The following NELL1 variants were observed in gnomAD, a reference collection of about 807,000 sequenced individuals.
NELL1 encodes neural EGFL like 1.
A neutral mutation model predicts 107.4 loss-of-function variants in NELL1; 76 were observed. That is an observed-to-expected ratio of 0.71 (90% CI 0.59 to 0.86). The LOEUF is 0.86. Ranked by LOEUF, NELL1 falls within the 40% of genes least tolerant of loss-of-function variation. The pLI is 0.00. For missense variants in NELL1, 1,024 were observed against 1,005.5 expected (o/e 1.02, Z -0.25); for synonymous variants, 353 against 341.2 (o/e 1.03, Z -0.38).
chr11:21,528,980 T>C (rs1195694778), intron 15 of NELL1, among the ~76,000 whole-genome samples: 2 of 152,080 alleles, frequency 1.3e-5, no homozygotes, highest in East Asian at 1.9e-4. Context: ...CTGAGCACAG[T>C]CTTTTCCCTG....
chr11:20,809,998 T>C (rs563612842), intron 3 of NELL1, among the ~76,000 whole-genome samples: 2 of 152,314 alleles, frequency 1.3e-5, no homozygotes, highest in African/African-American at 4.8e-5. Flanking sequence ...TGAGGATTCC[T>C]TTTTCTCCAC....
intron 15 of NELL1, among the ~76,000 whole-genome samples, chr11:21,455,269 A>T (rs1225120518): frequency 6.7e-6 from 1 of 148,162 alleles, no homozygotes; most frequent in African/African-American, 2.5e-5. Context: ...CATTTTACAT[A>T]ATGTGACTTT....
At chr11:20,824,516 G>A (rs1348495217) in intron 3 of NELL1, among the ~76,000 whole-genome samples, 2 of 151,200 alleles carry the variant, frequency 1.3e-5, no homozygotes, top group Non-Finnish European at 3.0e-5. Flanking sequence ...GACACTTGGA[G>A]GGCCCAGAAG....
intron 15 of NELL1, among the ~76,000 whole-genome samples, chr11:21,462,910 T>C (rs757686398): frequency 6.6e-6 from 1 of 152,064 alleles, no homozygotes; most frequent in African/African-American, 2.4e-5. Flanking sequence ...CACCTGTGTT[T>C]GACTGTAATG....
chr11:21,406,713 A>G (rs1852245813), intron 15 of NELL1, among the ~76,000 whole-genome samples: 1 of 152,014 alleles, frequency 6.6e-6, no homozygotes, highest in Non-Finnish European at 1.5e-5. Context: ...ATTGATACAT[A>G]ATAAAGATTT....
chr11:21,552,481 C>A (rs1182340412), intron 16 of NELL1, among the ~76,000 whole-genome samples: 1 of 149,924 alleles, frequency 6.7e-6, no homozygotes, highest in Admixed American at 6.7e-5. Flanking sequence ...ATTTTACCTC[C>A]CTTAGGGTAA....
chr11:21,465,156 G>A (rs897292020), intron 15 of NELL1, among the ~76,000 whole-genome samples: 14 of 152,156 alleles, frequency 9.2e-5, no homozygotes, highest in Middle Eastern at 3.4e-3. Context: ...TTCTTGAGGA[G>A]GTGATATAGG....
chr11:20,931,595 C>T (rs1010729571), intron 9 of NELL1, among the ~76,000 whole-genome samples: 2 of 151,888 alleles, frequency 1.3e-5, no homozygotes, highest in Non-Finnish European at 2.9e-5. Flanking sequence ...TAAAAAAAGA[C>T]AAAGAAAAAA....
chr11:21,184,115 A>G (rs1856883871), intron 13 of NELL1, among the ~76,000 whole-genome samples: 1 of 151,820 alleles, frequency 6.6e-6, no homozygotes, highest in East Asian at 1.9e-4. Flanking sequence ...GTGAGCTTGG[A>G]GAAGTCACTT....
At chr11:21,203,838 G>A (rs1857327465) in intron 13 of NELL1, among the ~76,000 whole-genome samples, 1 of 152,172 alleles carries the variant, frequency 6.6e-6, no homozygotes, top group African/African-American at 2.4e-5. Context: ...TTGCCTGTCT[G>A]TAAAGTATTT....
At position 21,094,110 on chromosome 11, in the gene NELL1, G is replaced by A. The variant is rs118096970; in HGVS notation, c.1301-19479G>A. On this transcript the variant is annotated intron_variant, in intron 12 of 19. Transcript: ENST00000357134. ...TACTTCCTAGATTCAATGGGGGTAC[G>A]GGATTGGGTAAATACAGCCACTCCA... Among the ~76,000 whole-genome samples the A allele has an allele frequency of 0.012, 1,807 of 152,108 alleles. 57 individuals are homozygous for A. The South Asian group carries it at 0.12, about 10-fold the overall frequency.
chr11:21,194,430 A>T (rs1279000709), intron 13 of NELL1, among the ~76,000 whole-genome samples: 1 of 151,734 alleles, frequency 6.6e-6, no homozygotes, highest in South Asian at 2.1e-4. Context: ...AGAGATTTTT[A>T]AAATGCATAT....
intron 15 of NELL1, among the ~76,000 whole-genome samples, chr11:21,457,062 A>C (rs200420424): frequency 6.6e-6 from 1 of 152,210 alleles, no homozygotes; most frequent in Admixed American, 6.5e-5. Context: ...AAATGTGTAA[A>C]TAAATAAATT....
chr11:20,991,010 GA>G (rs1215097840), intron 12 of NELL1, among the ~76,000 whole-genome samples: 1 of 152,222 alleles, frequency 6.6e-6, no homozygotes, highest in Admixed American at 6.5e-5. Flanking sequence ...TCCTGATCTT[GA>G]AAACCAACTC....
chr11:21,481,453 T>C (rs577389325), intron 15 of NELL1, among the ~76,000 whole-genome samples: 3 of 152,260 alleles, frequency 2.0e-5, no homozygotes, highest in South Asian at 2.1e-4. Context: ...TCAAGGATGA[T>C]TGATGTTAGT....
rs535153557 is a variant in NELL1, at chr11:21,252,576, A to G, written c.1549+23122A>G. Among the ~76,000 whole-genome samples, 3 of 152,286 alleles carry G rather than the reference A, an allele frequency of 2.0e-5. No individual in the cohort carries two copies. The South Asian group carries it at 6.2e-4, about 32-fold the overall frequency. On this transcript the variant is annotated intron_variant, in intron 14 of 19. Coordinates refer to ENST00000357134, the MANE Select transcript of NELL1 (RefSeq NM_006157.5). ...TTTGAACCTCAAAATGAGCTCAGAT[A>G]TATTTTGATATCCCTTGCTAAATTT...
At chr11:21,533,244 C>T (rs760013266) in intron 15 of NELL1, among the ~76,000 whole-genome samples, 12 of 152,074 alleles carry the variant, frequency 7.9e-5, no homozygotes, top group Non-Finnish European at 1.2e-4. Flanking sequence ...ATTAACAGCC[C>T]GGTGCACAAC....
At chr11:21,401,873 C>G (rs1852104825) in intron 15 of NELL1, among the ~76,000 whole-genome samples, 2 of 151,692 alleles carry the variant, frequency 1.3e-5, no homozygotes, top group Non-Finnish European at 1.5e-5. Flanking sequence ...GAGATAATAA[C>G]CTCTACTTTA....
intron 3 of NELL1, among the ~76,000 whole-genome samples, chr11:20,832,487 A>G (rs1267109649): frequency 6.6e-6 from 1 of 152,206 alleles, no homozygotes; most frequent in East Asian, 1.9e-4. Flanking sequence ...GTGTCTTTAG[A>G]ACCTAGCAAA....
Sources: gnomAD v4.1 joint callset for allele counts (sites outside exome capture counted in the v4.1 genomes callset) on GRCh38, gnomAD v4.1.1 for gene constraint, MANE v1.5 for transcripts, NCBI Gene and HGNC (gene_info 2026-07-23, HGNC 2026-07-21) for gene names.